SI: variants seen among roughly 807,000 people sequenced by gnomAD.
SI encodes the protein sucrase-isomaltase, intestinal.
Under a neutral mutation model 253.3 loss-of-function variants are expected in SI, and 235 were observed. The ratio of observed to expected loss-of-function variants is 0.93; its 90% CI spans 0.83 to 1.03. SI has a LOEUF of 1.03. SI is among the 50% of genes least tolerant of loss of function. SI has a pLI of 0.00. For missense variants in SI, 2,442 were observed against 2,211.1 expected, an observed-to-expected ratio of 1.10 and a Z score of -2.09; for synonymous variants, 819 against 712.0, an observed-to-expected ratio of 1.15 and a Z score of -2.39.
At chr3:165,012,613 G>C (rs1718824122) in intron 34 of SI, among the ~76,000 whole-genome samples, 1 of 151,782 alleles carries the variant, frequency 6.6e-6, no homozygotes, top group Non-Finnish European at 1.5e-5. Context: ...TGTATTTTTA[G>C]TAGAGATGGA....
chr3:165,007,032 T>A, intron 36 of SI, 78 bp from the exon 37 acceptor site: 1 of 1,033,374 alleles, frequency 9.7e-7, no homozygotes. Context: ...AATTATGTAT[T>A]CCTTGACAAA....
rs1431988029 is a variant in SI at position 165,017,870 on chromosome 3, A to C, written c.3524T>G (p.Val1175Gly). The change falls in exon 30 of 48, where the codon GTT becomes GGT. Residue 1175 changes from valine (V) to glycine (G), a missense_variant. Transcript: ENST00000264382. The stretch of plus-strand genomic sequence containing the variant: ...TAGAGCAGGAGTTGGCTGGAATGTA[A>C]CATCTGGAAATCCAAAATAACATCC... Reference protein sequence around the residue: ...VFLLNSNAMDVTFQPTPALTY... With the variant: ...VFLLNSNAMDGTFQPTPALTY... 15 of 1,610,848 alleles carry C rather than the reference A, an allele frequency of 9.3e-6. No homozygotes were observed. The highest frequency in any genetic ancestry group is 1.7e-5 in the Admixed American group (1 of 59,888).
intron 16 of SI, among the ~76,000 whole-genome samples, chr3:165,046,542 C>A (rs981940844): frequency 6.6e-6 from 1 of 151,744 alleles, no homozygotes; most frequent in Admixed American, 6.6e-5. Context: ...TTTTCTTCAC[C>A]ATCTTATTTT....
intron 28 of SI, 108 bp from the exon 29 acceptor site, chr3:165,018,174 C>A: frequency 1.4e-6 from 1 of 721,398 alleles, no homozygotes; most frequent in South Asian, 1.6e-5. Context: ...TATTTAAATT[C>A]CCGTTTCCCA....
At chr3:165,015,393 C>T (rs992038954) in intron 32 of SI, among the ~76,000 whole-genome samples, 160 bp from the exon 33 acceptor site, 1 of 152,010 alleles carries the variant, frequency 6.6e-6, no homozygotes, top group Non-Finnish European at 1.5e-5. Flanking sequence ...GCTAGATTTC[C>T]CTCCAAATTT....
At position 165,039,114 on chromosome 3, in the gene SI, G is replaced by A; in HGVS notation, c.2265C>T (p.Ala755=). Residue 755 remains alanine (A), a synonymous_variant, in exon 20 of 48, where the codon GCC becomes GCT. Transcript: ENST00000264382. ...VLKQGADTVS[A]YIPDAIWYDY... ...CATACCAAATAGCATCAGGGATGTAGGCACTCACAGTATCTGCTCCCTAAA... is the reference window on the plus strand; with the variant it reads ...CATACCAAATAGCATCAGGGATGTAAGCACTCACAGTATCTGCTCCCTAAA... The A allele has an allele frequency of 1.9e-6, 3 of 1,593,188 alleles. No individual in the cohort carries two copies. The highest frequency in any genetic ancestry group is 2.6e-6 in the Non-Finnish European group (3 of 1,162,720).
At chr3:165,015,098 C>G in intron 33 of SI, 25 bp downstream of exon 33, 1 of 1,500,090 alleles carries the variant, frequency 6.7e-7, no homozygotes, top group Non-Finnish European at 9.3e-7. Flanking sequence ...TGTATTTATT[C>G]TATTTCAAGA....
At chr3:164,979,496 T>A in intron 47 of SI, 66 bp from the exon 48 acceptor site, 1 of 924,284 alleles carries the variant, frequency 1.1e-6, no homozygotes, top group Non-Finnish European at 1.8e-6. Flanking sequence ...TCATGAATGC[T>A]ATTTCAAAAA....
intron 13 of SI, among the ~76,000 whole-genome samples, chr3:165,050,287 A>G (rs1018635907): frequency 6.6e-6 from 1 of 152,112 alleles, no homozygotes; most frequent in Non-Finnish European, 1.5e-5. Flanking sequence ...CTAGCAGCAA[A>G]ATTTGCCTAC....
intron 45 of SI, among the ~76,000 whole-genome samples, chr3:164,984,879 G>A (rs1717362793): frequency 6.6e-6 from 1 of 152,106 alleles, no homozygotes; most frequent in Admixed American, 6.6e-5. Flanking sequence ...CCTCTTTGGA[G>A]ATTCTGATCT....
intron 22 of SI, 140 bp from the exon 23 acceptor site, chr3:165,033,584 T>G (rs539216416): frequency 1.3e-6 from 1 of 771,490 alleles, no homozygotes; most frequent in African/African-American, 1.8e-5. Context: ...ATTTTGTTTT[T>G]AAATTTTTTA....
chr3:165,017,540 A>AT lies in SI; in HGVS notation c.3759+7dup. Reference sequence around the variant, plus strand: ...TATTTAACATTGTTTTAAAATTGATATACATACATAGGGGATGTTAGCAGC... The same window carrying AT: ...TATTTAACATTGTTTTAAAATTGATATTACATACATAGGGGATGTTAGCAGC... On this transcript the variant is annotated splice_region_variant and intron_variant, in intron 31 of 47. Coordinates refer to ENST00000264382, the MANE Select transcript of SI (RefSeq NM_001041.4). The AT allele has an allele frequency of 1.9e-6, 3 of 1,610,052 alleles. No individual in the cohort carries two copies. The highest frequency in any genetic ancestry group is 2.5e-6 in the Non-Finnish European group (3 of 1,176,814).
chr3:165,042,301 A>C (rs1380459138), intron 17 of SI, among the ~76,000 whole-genome samples: 1 of 152,110 alleles, frequency 6.6e-6, no homozygotes, highest in African/African-American at 2.4e-5. Context: ...GCCTCCTTCC[A>C]GGCTGAGCTC....
At chr3:165,056,523 G>A (rs1193132370) in intron 12 of SI, among the ~76,000 whole-genome samples, 1 of 152,158 alleles carries the variant, frequency 6.6e-6, no homozygotes, top group Non-Finnish European at 1.5e-5. Flanking sequence ...AGGAAAGAGA[G>A]TCTTGGATTG....
intron 25 of SI, among the ~76,000 whole-genome samples, chr3:165,025,423 A>T (rs1711860902): frequency 6.6e-6 from 1 of 151,220 alleles, no homozygotes; most frequent in African/African-American, 2.4e-5. Context: ...TGGAAAACAT[A>T]TTTGAAGGAA....
At chr3:165,019,866 T>A (rs545561745) in intron 27 of SI, 96 bp from the exon 28 acceptor site, 2 of 1,117,524 alleles carry the variant, frequency 1.8e-6, no homozygotes, top group Non-Finnish European at 2.7e-6. Context: ...TATCTAAAAA[T>A]CAATATTATT....
Position 165,018,050 on chromosome 3 carries a change from T to C in SI, c.3440A>G (p.Tyr1147Cys), listed in dbSNP as rs760937243. 5.6e-6 allele frequency: 9 copies of C among 1,605,088 alleles called. No homozygotes were observed. In the South Asian group the frequency reaches 7.7e-5, roughly 14 times the overall value. The change falls in exon 29 of 48, where the codon TAT becomes TGT. Residue 1147 changes from tyrosine to cysteine, a missense_variant. Tyr to Cys is a radical substitution (Grantham distance 194). Transcript: ENST00000264382. ...DQPPGYKLNSYGFHPYYMALE... is the reference protein window; with the variant it reads ...DQPPGYKLNSCGFHPYYMALE... ...AGCCATGTAATAGGGATGAAATCCA[T>C]AGGAATTAAGTTTGTACTGAAATAC...
intron 16 of SI, among the ~76,000 whole-genome samples, chr3:165,045,916 C>A (rs1339527284): frequency 1.3e-5 from 2 of 149,904 alleles, no homozygotes; most frequent in Non-Finnish European, 3.0e-5. Context: ...TCTGTGCAAC[C>A]TCCACCTCCC....
intron 46 of SI, 95 bp from the exon 47 acceptor site, chr3:164,982,505 A>C (rs1717240157): frequency 4.6e-6 from 4 of 866,678 alleles, no homozygotes; most frequent in Non-Finnish European, 5.6e-6. Flanking sequence ...TGTATTTCGT[A>C]GTATAATAAA....
Sources: gnomAD v4.1 joint callset for allele counts (sites outside exome capture counted in the v4.1 genomes callset) on GRCh38, gnomAD v4.1.1 for gene constraint, MANE v1.5 for transcripts, NCBI Gene and HGNC (gene_info 2026-07-23, HGNC 2026-07-21) for gene names.